Variants in NUGGC observed in about 807,000 individuals in gnomAD.
The protein encoded by NUGGC is nuclear GTPase SLIP-GC.
A neutral mutation model predicts 92.6 loss-of-function variants in NUGGC; 58 were observed. The observed-to-expected ratio is 0.63, with a 90% CI of 0.51 to 0.78. The LOEUF (loss-of-function observed/expected upper bound fraction) is 0.78, where lower values mean the gene tolerates loss of function less well. Among genes scored for constraint, NUGGC ranks in the 30% least tolerant of loss-of-function variants. The pLI is 0.00. For synonymous variants in NUGGC, 376 were observed against 366.4 expected, an observed-to-expected ratio of 1.03 and a Z score of -0.30; for missense variants, 925 against 964.6, an observed-to-expected ratio of 0.96 and a Z score of 0.54.
Position 28,023,381 on chromosome 8 carries a change from C to A in NUGGC, c.2327G>T (p.Gly776Val). Residue 776 changes from glycine to valine, a missense_variant, in exon 19 of 19, where the codon GGC becomes GTC. Gly to Val is a moderately radical substitution (Grantham distance 109). Transcript: ENST00000413272. ...TGCCCTTAGGAGGAATTCTTGCATG[C>A]CCTTCCTCAGCCGTGCATTCTCCGC... The part of the protein sequence containing the change: ...EVAENARLRK[G>V]MQEFLLRASP... 6.2e-7 allele frequency: 1 copy of A among 1,614,000 alleles called. No individual in the cohort carries two copies. The highest frequency in any genetic ancestry group is 8.5e-7 in the Non-Finnish European group (1 of 1,179,872).
rs1312923659 is a variant in NUGGC at position 28,030,367 on chromosome 8, T to C, written c.1960A>G (p.Arg654Gly). ...GAGGCAGTGAGGGACTCGTAGATCC[T>C]CCTCTTCCTTCTGAGGATGTGGTCC... is the stretch of plus-strand genomic sequence containing the variant. ...LEDHILRRKR[R>G]IYESLTASVQ... Residue 654 changes from arginine to glycine, a missense_variant, in exon 16 of 19, where the codon AGG becomes GGG. By Grantham distance (125) the Arg-to-Gly change is moderately radical. Transcript: ENST00000413272. 1 of 1,582,000 alleles carries C rather than the reference T, an allele frequency of 6.3e-7. No homozygotes were observed. Among genetic ancestry groups the C allele is most frequent in the Non-Finnish European group, 8.6e-7 (1 of 1,162,922 alleles).
chr8:28,077,483 C>T (rs991016139), intron 1 of NUGGC, among the ~76,000 whole-genome samples: 7 of 151,900 alleles, frequency 4.6e-5, no homozygotes, highest in African/African-American at 1.7e-4. Flanking sequence ...GGGAGGATCC[C>T]TTGAACCCTG....
At chr8:28,077,070 T>C (rs1017835262) in intron 1 of NUGGC, among the ~76,000 whole-genome samples, 2 of 152,168 alleles carry the variant, frequency 1.3e-5, no homozygotes, top group African/African-American at 2.4e-5. Flanking sequence ...TTCTATGTTC[T>C]TACTTGAAAT....
intron 10 of NUGGC, among the ~76,000 whole-genome samples, chr8:28,051,561 G>T (rs534942638): frequency 3.9e-4 from 60 of 152,306 alleles, no homozygotes; most frequent in South Asian, 1.9e-3. Context: ...AATCCTGTCA[G>T]GTCAAATCAG....
chr8:28,035,991 T>G (rs1453651302), intron 13 of NUGGC, among the ~76,000 whole-genome samples: 1 of 152,182 alleles, frequency 6.6e-6, no homozygotes, highest in Admixed American at 6.5e-5. Context: ...CAGGTGATCC[T>G]CCTGCCTCAG....
intron 18 of NUGGC, among the ~76,000 whole-genome samples, chr8:28,024,843 C>T (rs1450581256): frequency 1.3e-5 from 2 of 152,320 alleles, no homozygotes; most frequent in South Asian, 2.1e-4. Context: ...TCCCCGCGTC[C>T]CAGCCCTGAA....
rs558842158 is a variant in NUGGC at position 28,036,608 on chromosome 8, A to C, written c.1612-2911T>G. Among the ~76,000 whole-genome samples, 8 of 152,296 alleles carry C rather than the reference A, an allele frequency of 5.3e-5. No individual in the cohort carries two copies. In the East Asian group the frequency reaches 1.5e-3, roughly 29 times the overall value. On this transcript the variant is annotated intron_variant, in intron 13 of 18. Transcript: ENST00000413272. ...AAGCTCCTCCCTCCCAAATCTTCTT[A>C]GATCTTCTTTAAATTGAAGCAATTT...
chr8:28,056,759 T>A (rs1451287818), intron 9 of NUGGC, among the ~76,000 whole-genome samples: 1 of 152,202 alleles, frequency 6.6e-6, no homozygotes, highest in Non-Finnish European at 1.5e-5. Context: ...TTATCAAAAC[T>A]TCTGTAAACA....
intron 4 of NUGGC, 51 bp from the exon 5 acceptor site, chr8:28,068,489 A>G: frequency 7.8e-7 from 1 of 1,274,786 alleles, no homozygotes; most frequent in South Asian, 1.3e-5. Context: ...GTTTAGAGTG[A>G]AGAGCATTGA....
chr8:28,029,418 G>C lies in NUGGC; in HGVS notation c.2018-16C>G. The C allele has an allele frequency of 1.2e-6, 2 of 1,610,946 alleles. No homozygotes were observed. The highest frequency in any genetic ancestry group is 1.7e-6 in the Non-Finnish European group (2 of 1,178,580). On this transcript the variant is annotated splice_polypyrimidine_tract_variant and intron_variant, in intron 16 of 18. Coordinates refer to ENST00000413272, the MANE Select transcript of NUGGC (RefSeq NM_001010906.2). ...TGAGCTGCCTCTGGCAAAAATGATAGCCACAGTCACACCAAGACAAGGACC... is the reference window on the plus strand; with the variant it reads ...TGAGCTGCCTCTGGCAAAAATGATACCCACAGTCACACCAAGACAAGGACC...
chr8:28,082,838 G>C (rs2130304435), intron 1 of NUGGC, among the ~76,000 whole-genome samples: 1 of 152,248 alleles, frequency 6.6e-6, no homozygotes, highest in East Asian at 1.9e-4. Context: ...CCCAGAAGGT[G>C]AAGATTACAG....
rs533588706 is a variant in NUGGC at position 28,056,280 on chromosome 8, C to A, written c.1117-226G>T. Among the ~76,000 whole-genome samples the A allele has an allele frequency of 1.9e-3, 282 of 151,724 alleles. 1 individual carries two copies. The highest frequency in any genetic ancestry group is 6.5e-3 in the African/African-American group (269 of 41,084). On this transcript the variant is annotated intron_variant, in intron 9 of 18. Coordinates refer to ENST00000413272, the MANE Select transcript of NUGGC (RefSeq NM_001010906.2). ...GATCACAAGCTCAAGAGATCGAGAC[C>A]ATCCTGGCTAATCCAGTGAAACCCC...
intron 13 of NUGGC, among the ~76,000 whole-genome samples, chr8:28,040,651 C>T (rs11785877): frequency 0.4 from 59,428 of 150,308 alleles, 13,023 homozygotes; most frequent in African/African-American, 0.59. Context: ...GTTTTTTGTT[C>T]TTGTTTTTTT....
chr8:28,032,446 G>A (rs1348273391), intron 14 of NUGGC, among the ~76,000 whole-genome samples: 8 of 152,122 alleles, frequency 5.3e-5, no homozygotes, highest in South Asian at 2.1e-4. Flanking sequence ...AGCCGGGCGC[G>A]GTGGCTCATG....
At chr8:28,082,475 A>G (rs945299665) in intron 1 of NUGGC, among the ~76,000 whole-genome samples, 7 of 152,188 alleles carry the variant, frequency 4.6e-5, no homozygotes, top group African/African-American at 1.7e-4. Context: ...CCTGCCAGCA[A>G]TTTCTGCAAT....
rs756804473 is a variant in NUGGC at position 28,069,597 on chromosome 8, A to G, written c.204T>C (p.Leu68=). 35 of 1,612,218 alleles carry G rather than the reference A, an allele frequency of 2.2e-5. No individual in the cohort carries two copies. The highest frequency in any genetic ancestry group is 3.0e-5 in the Non-Finnish European group (35 of 1,178,374). The change falls in exon 4 of 19, where the codon CTT becomes CTC. Residue 68 remains leucine (L), a synonymous_variant. Coordinates refer to ENST00000413272, the MANE Select transcript of NUGGC (RefSeq NM_001010906.2). ...RRVLSNTYQK[L]IQSVFLDDSI... is the part of the protein sequence containing the mutation. ...TGTCATCCAGGAAGACAGACTGAAT[A>G]AGTTTCTGATAAGTGTTGCTCAAAA...
chr8:28,072,219 G>C (rs1341869745), intron 2 of NUGGC, among the ~76,000 whole-genome samples: 1 of 152,202 alleles, frequency 6.6e-6, no homozygotes, highest in Non-Finnish European at 1.5e-5. Context: ...CATTCTAACT[G>C]ATGATTGAGC....
At chr8:28,037,370 C>T (rs1394713726) in intron 13 of NUGGC, among the ~76,000 whole-genome samples, 1 of 152,192 alleles carries the variant, frequency 6.6e-6, no homozygotes, top group Non-Finnish European at 1.5e-5. Context: ...GCTTCTGGCT[C>T]CCACATGAGC....
intron 1 of NUGGC, among the ~76,000 whole-genome samples, chr8:28,076,561 G>T (rs1455028176): frequency 2.0e-5 from 3 of 152,124 alleles, no homozygotes; most frequent in Admixed American, 6.5e-5. Context: ...CCTCCCAAAG[G>T]GCTGGGGTTA....
Sources: allele counts gnomAD v4.1 joint callset (sites outside exome capture counted in the v4.1 genomes callset), GRCh38; gene constraint gnomAD v4.1.1; transcripts MANE v1.5; gene names NCBI Gene and HGNC (gene_info 2026-07-23, HGNC 2026-07-21).